PAK3: variants seen among roughly 807,000 people sequenced by gnomAD.
The protein encoded by PAK3 is p21 (RAC1) activated kinase 3.
A neutral mutation model predicts 41.0 loss-of-function variants in PAK3; 4 were observed. That is an observed-to-expected ratio of 0.10 (90% CI 0.05 to 0.22). The LOEUF is 0.22. PAK3 is among the 10% of genes least tolerant of loss of function. PAK3 has a pLI of 1.00. For synonymous variants in PAK3, 146 were observed against 139.6 expected (o/e 1.05, Z -0.32); for missense variants, 205 against 409.9 (o/e 0.50, Z 4.32).
At chrX:110,972,422 G>T (rs1414920198) in intron 1 of PAK3, among the ~76,000 whole-genome samples, 4 of 111,994 alleles carry the variant, frequency 3.6e-5, no homozygotes, top group African/African-American at 1.3e-4. Context: ...GGCAAAGAGG[G>T]TCCGGAGTGG....
At chrX:111,098,152 G>C (rs1399234550) in intron 3 of PAK3, among the ~76,000 whole-genome samples, 1 of 111,267 alleles carries the variant, frequency 9.0e-6, no homozygotes, top group African/African-American at 3.3e-5. Context: ...GGTGGAAATG[G>C]TATATAGGGC....
At chrX:111,212,467 T>C (rs1603397420) in intron 16 of PAK3, among the ~76,000 whole-genome samples, 1 of 111,490 alleles carries the variant, frequency 9.0e-6, no homozygotes, top group Non-Finnish European at 1.9e-5. Flanking sequence ...AGTTAATTAT[T>C]TGGACCTCAG....
chrX:111,025,576 C>G (rs1238693284), intron 1 of PAK3, among the ~76,000 whole-genome samples: 1 of 110,773 alleles, frequency 9.0e-6, no homozygotes, highest in Non-Finnish European at 1.9e-5. Flanking sequence ...ATACAACCCT[C>G]CTAGATTAAA....
intron 1 of PAK3, among the ~76,000 whole-genome samples, chrX:111,043,946 G>T (rs2092474349): frequency 8.9e-6 from 1 of 112,012 alleles, no homozygotes; most frequent in African/African-American, 3.2e-5. Context: ...CTACATCCAT[G>T]CTTACTCATC....
intron 11 of PAK3, among the ~76,000 whole-genome samples, chrX:111,174,455 G>C (rs905971022): frequency 9.0e-6 from 1 of 111,137 alleles, no homozygotes; most frequent in African/African-American, 3.3e-5. Flanking sequence ...AACTTTCCAG[G>C]GGGCTAAAAT....
At position 111,182,609 on chromosome X, in the gene PAK3, G is replaced by C. The variant is rs141343938; in HGVS notation, c.831-9518G>C. Among the ~76,000 whole-genome samples, 657 of 110,385 alleles carry C rather than the reference G, an allele frequency of 6.0e-3. 9 individuals are homozygous for C. Among genetic ancestry groups the C allele is most frequent in the African/African-American group, 0.02 (609 of 30,365 alleles). On this transcript the variant is annotated intron_variant, in intron 11 of 17. Transcript: ENST00000372007. Reference sequence around the variant, plus strand: ...CTTTGGAAAAGTTATTGCATGTGATGGTAACATCATTCCTGAGCCCCAAAG... The same window carrying C: ...CTTTGGAAAAGTTATTGCATGTGATCGTAACATCATTCCTGAGCCCCAAAG...
chrX:111,202,183 A>G (rs1176633588), intron 16 of PAK3, among the ~76,000 whole-genome samples: 1 of 111,965 alleles, frequency 8.9e-6, no homozygotes, highest in South Asian at 3.7e-4. Context: ...AATATTGCCT[A>G]TTAACATATT....
chrX:111,220,870 C>A lies in PAK3; in HGVS notation c.*423C>A. On this transcript the variant is annotated 3_prime_UTR_variant, in exon 18 of 18. Transcript: ENST00000372007. ...TACCCAATGTGATGTTTTTCACTTG[C>A]ATTGTCATTAGATGTCCAGAAAAAA... is the stretch of plus-strand genomic sequence containing the variant. 1 of 104,325 alleles carries A rather than the reference C, an allele frequency of 9.6e-6. No individual in the cohort carries two copies. Among genetic ancestry groups the A allele is most frequent in the Non-Finnish European group, 1.9e-5 (1 of 52,961 alleles). The allele number at this position is 104,325 out of a possible 1,213,427, so 8.6% of individuals were successfully genotyped here.
chrX:111,123,318 TA>T (rs2093606029), intron 5 of PAK3, 40 bp downstream of exon 5: 2 of 1,070,711 alleles, frequency 1.9e-6, no homozygotes, highest in Non-Finnish European at 2.6e-6. Context: ...TGGGCTAGTT[TA>T]TTCTTTCATT....
At chrX:111,006,834 TTTCTTTCTTTCTTTC>T (rs1186756139) in intron 1 of PAK3, among the ~76,000 whole-genome samples, 96 of 13,510 alleles carry the variant, frequency 7.1e-3, no homozygotes, top group African/African-American at 0.01. Context: ...TCTTTCTTTC[TTTCTTTCTTTCTTTC>T]TTTTTTTTTT....
intron 8 of PAK3, among the ~76,000 whole-genome samples, chrX:111,157,944 A>G (rs1254812410): frequency 1.8e-5 from 2 of 112,284 alleles, no homozygotes; most frequent in African/African-American, 6.5e-5. Flanking sequence ...TTTTAGATAC[A>G]GTAATTCTCA....
chrX:110,985,868 T>C (rs2091533464), intron 1 of PAK3, among the ~76,000 whole-genome samples: 1 of 111,851 alleles, frequency 8.9e-6, no homozygotes, highest in Admixed American at 9.5e-5. Context: ...CTTTCTTTTG[T>C]GTTGTGTGAG....
intron 1 of PAK3, among the ~76,000 whole-genome samples, chrX:111,029,912 T>C (rs1291627516): frequency 3.6e-5 from 4 of 112,289 alleles, no homozygotes; most frequent in Non-Finnish European, 7.5e-5. Context: ...TAGCATCACA[T>C]GGCATTTTAA....
chrX:110,949,573 C>T (rs1024171903), intron 1 of PAK3, among the ~76,000 whole-genome samples: 7 of 110,894 alleles, frequency 6.3e-5, no homozygotes, highest in Non-Finnish European at 1.3e-4. Context: ...GGTATTGGTA[C>T]ACAGCCTAGG....
intron 1 of PAK3, among the ~76,000 whole-genome samples, chrX:111,002,525 G>T (rs756986058): frequency 8.9e-6 from 1 of 111,903 alleles, no homozygotes; most frequent in Non-Finnish European, 1.9e-5. Context: ...ATGTGGGGCA[G>T]CTGGAGCTCA....
chrX:111,098,210 AG>A (rs1390045630), intron 3 of PAK3, among the ~76,000 whole-genome samples: 2 of 110,653 alleles, frequency 1.8e-5, no homozygotes, highest in Non-Finnish European at 3.8e-5. Flanking sequence ...TGGACATACC[AG>A]GTGAGGGAAA....
At chrX:111,032,737 G>C (rs1260200105) in intron 1 of PAK3, among the ~76,000 whole-genome samples, 1 of 111,030 alleles carries the variant, frequency 9.0e-6, no homozygotes, top group Non-Finnish European at 1.9e-5. Context: ...GAAGTGAAGG[G>C]AGAAGGGAGG....
chrX:111,139,617 C>T (rs2093843525), intron 5 of PAK3, among the ~76,000 whole-genome samples: 1 of 111,997 alleles, frequency 8.9e-6, no homozygotes, highest in Non-Finnish European at 1.9e-5. Flanking sequence ...TTATGCTTAG[C>T]CCTGAGTGAA....
intron 1 of PAK3, among the ~76,000 whole-genome samples, chrX:111,078,261 G>T (rs1424378422): frequency 1.0e-4 from 11 of 105,117 alleles, no homozygotes; most frequent in Non-Finnish European, 5.9e-5. Context: ...TTTTTTTTTT[G>T]TTTTGTTTTG....
Sources: allele counts gnomAD v4.1 joint callset (sites outside exome capture counted in the v4.1 genomes callset), GRCh38; gene constraint gnomAD v4.1.1; transcripts MANE v1.5; gene names NCBI Gene and HGNC (gene_info 2026-07-23, HGNC 2026-07-21).